The following GJC1 variants were observed in gnomAD, a reference collection of about 807,000 sequenced individuals.
GJC1 encodes gap junction gamma-1 protein.
Under a neutral mutation model 29.3 loss-of-function variants are expected in GJC1, and 5 were observed. The observed-to-expected ratio is 0.17, with a 90% CI of 0.09 to 0.36. The LOEUF (loss-of-function observed/expected upper bound fraction) is 0.36, where lower values mean the gene tolerates loss of function less well. GJC1 is among the 10% of genes least tolerant of loss of function. GJC1 has a pLI of 1.00. For synonymous variants in GJC1, 177 were observed against 183.3 expected (o/e 0.97, Z 0.28); for missense variants, 310 against 496.2 (o/e 0.62, Z 3.56).
In GJC1 at chr17:44,827,725, G is replaced by A. The variant is rs151315652; in HGVS notation, c.-97+2337C>T. Among the ~76,000 whole-genome samples, 567 of 152,248 alleles carry A rather than the reference G, an allele frequency of 3.7e-3. 4 individuals carry two copies. Among genetic ancestry groups the A allele is most frequent in the African/African-American group, 0.013 (557 of 41,546 alleles). ...AGGCGGGAGGATCACAAGGTCAGGA[G>A]ATCGGGACCATCATGGCTAACATGG... On this transcript the variant is annotated intron_variant, in intron 1 of 2. Coordinates refer to ENST00000592524, the MANE Select transcript of GJC1 (RefSeq NM_005497.4).
chr17:44,796,766 G>A (rs2049785658), downstream of GJC1, among the ~76,000 whole-genome samples: 1 of 151,952 alleles, frequency 6.6e-6, no homozygotes. Flanking sequence ...CAGAGAACTT[G>A]TTAGTTCTGA....
At chr17:44,813,856 G>A (rs2050012216) in intron 1 of GJC1, among the ~76,000 whole-genome samples, 1 of 151,950 alleles carries the variant, frequency 6.6e-6, no homozygotes, top group South Asian at 2.1e-4. Flanking sequence ...AGTGCAGTCT[G>A]GGGAACATTT....
chr17:44,821,697 C>CAAAAAAAAAAAAAAAA (rs61303163), intron 1 of GJC1, among the ~76,000 whole-genome samples: 14 of 58,354 alleles, frequency 2.4e-4, no homozygotes, highest in African/African-American at 8.6e-4. Flanking sequence ...AACTCCGTCT[C>CAAAAAAAAAAAAAAAA]AAAAAAAAAA....
Position 44,805,795 on chromosome 17 carries a change from C to T in GJC1, c.23G>A (p.Arg8His), listed in dbSNP as rs776242102. The change falls in exon 3 of 3, where the codon CGC (arginine) becomes CAC (histidine). Residue 8 changes from arginine to histidine, a missense_variant. This residue lies in a region of GJC1 where 37 missense variants were observed against 104.2 expected (regional missense o/e 0.35). Transcript: ENST00000592524. This position sits in a 1 kb window ranked among gnomAD's most constrained non-coding sequence, Gnocchi z 5.1. MSWSFLTRLLEEIHNHST... is the reference protein window; with the variant it reads MSWSFLTHLLEEIHNHST... The stretch of plus-strand genomic sequence containing the variant: ...ATGGTTGTGAATCTCCTCTAGCAGG[C>T]GAGTCAGGAAGCTCCAACTCATGGT... 1.4e-5 allele frequency: 23 copies of T among 1,609,930 alleles called. No individual in the cohort carries two copies. Among genetic ancestry groups the T allele is most frequent in the Non-Finnish European group, 1.4e-5 (17 of 1,177,168 alleles).
intron 1 of GJC1, among the ~76,000 whole-genome samples, chr17:44,823,254 T>TTTTTG (rs1555560198): frequency 4.7e-5 from 7 of 147,954 alleles, no homozygotes; most frequent in African/African-American, 1.8e-4. Context: ...TCCTGTTTTT[T>TTTTTG]TTTTTTTTTT....
intron 1 of GJC1, among the ~76,000 whole-genome samples, chr17:44,819,659 A>AAAATAAATAAAT (rs199517100): frequency 2.2e-4 from 32 of 146,256 alleles, no homozygotes; most frequent in African/African-American, 7.3e-4. Flanking sequence ...CTCCGTCTCA[A>AAAATAAATAAAT]AAATAAATAA....
At chr17:44,818,021 T>C (rs968423991) in intron 1 of GJC1, among the ~76,000 whole-genome samples, 2 of 152,038 alleles carry the variant, frequency 1.3e-5, no homozygotes, top group African/African-American at 2.4e-5. Context: ...GAGACCAGCC[T>C]GGCCACCATG....
intron 1 of GJC1, among the ~76,000 whole-genome samples, chr17:44,827,080 C>T (rs2050184205): frequency 6.6e-6 from 1 of 152,154 alleles, no homozygotes; most frequent in African/African-American, 2.4e-5. Flanking sequence ...AAGGCAGAGG[C>T]AGGCGGATCA....
downstream of GJC1, chr17:44,797,524 C>G (rs1015227214): frequency 1.3e-5 from 2 of 152,210 alleles, no homozygotes; most frequent in African/African-American, 4.8e-5. Context: ...CTTCTGGACC[C>G]TCCTCTTGCA....
At chr17:44,814,639 G>C (rs1275855865) in intron 1 of GJC1, among the ~76,000 whole-genome samples, 3 of 152,072 alleles carry the variant, frequency 2.0e-5, no homozygotes, top group Non-Finnish European at 4.4e-5. Flanking sequence ...GACCTGAAAA[G>C]GTGCCTAAAA....
chr17:44,797,952 T>C (rs1254549095), downstream of GJC1, among the ~76,000 whole-genome samples: 1 of 152,186 alleles, frequency 6.6e-6, no homozygotes, highest in African/African-American at 2.4e-5. Context: ...CAAGAGGGCA[T>C]TGCTGCTCCC....
chr17:44,805,464 T>C lies in GJC1; in HGVS notation c.354A>G (p.Ala118=). ...DKKAARSKPY[A]MRWKQHRALE... ...GAGCCCGGTGTTGTTTCCAGCGCAT[T>C]GCATAGGGCTTGCTCCGAGCTGCCT... is the stretch of plus-strand genomic sequence containing the variant. Residue 118 remains alanine (A), a synonymous_variant, in exon 3 of 3, where the codon GCA becomes GCG. Coordinates refer to ENST00000592524, the MANE Select transcript of GJC1 (RefSeq NM_005497.4). This position sits in a 1 kb window ranked among gnomAD's most constrained non-coding sequence, Gnocchi z 5.1. 2 of 1,614,168 alleles carry C rather than the reference T, an allele frequency of 1.2e-6. No individual in the cohort carries two copies. The highest frequency in any genetic ancestry group is 4.5e-5 in the East Asian group (2 of 44,888).
intron 2 of GJC1, among the ~76,000 whole-genome samples, chr17:44,806,744 G>A (rs2049918455): frequency 6.6e-6 from 1 of 151,840 alleles, no homozygotes; most frequent in South Asian, 2.1e-4. Context: ...AATTTTGTGA[G>A]ATAGAAATTT....
chr17:44,831,324 A>T (rs1157726149), upstream of GJC1, among the ~76,000 whole-genome samples: 1 of 152,214 alleles, frequency 6.6e-6, no homozygotes, highest in Non-Finnish European at 1.5e-5. Context: ...CTCCCTAAAA[A>T]GTCAAAAGCT....
chr17:44,812,077 G>A (rs749783505), intron 1 of GJC1, among the ~76,000 whole-genome samples: 1 of 151,994 alleles, frequency 6.6e-6, no homozygotes, highest in Non-Finnish European at 1.5e-5. Flanking sequence ...CACTTTGGGA[G>A]CCCAAGGCGG....
At position 44,803,584 on chromosome 17, in the gene GJC1, A is replaced by G. The variant is rs41280082; in HGVS notation, c.*1043T>C. On this transcript the variant is annotated 3_prime_UTR_variant, in exon 3 of 3. Coordinates refer to ENST00000592524, the MANE Select transcript of GJC1 (RefSeq NM_005497.4). ...GGATTTAGGCCTTCTGCCATTTCCA[A>G]TACAAGTAGCTTTGAGTATTCTTGG... 8 of 152,362 alleles carry G rather than the reference A, an allele frequency of 5.3e-5. No individual in the cohort carries two copies. The highest frequency in any genetic ancestry group is 1.3e-4 in the Admixed American group (2 of 15,296). The allele number at this position is 152,362 out of a possible 1,614,324, so 9.4% of individuals were successfully genotyped here. A position where few individuals can be genotyped will look rare whatever the true frequency, so the allele number is the denominator to read the frequency against.
intron 1 of GJC1, among the ~76,000 whole-genome samples, chr17:44,819,206 T>C (rs1001667861): frequency 6.6e-6 from 1 of 152,150 alleles, no homozygotes; most frequent in African/African-American, 2.4e-5. Context: ...CCATTTCCCC[T>C]TCTCCCAGCC....
At chr17:44,810,560 G>T (rs1466213616) in intron 1 of GJC1, among the ~76,000 whole-genome samples, 1 of 152,090 alleles carries the variant, frequency 6.6e-6, no homozygotes, top group Non-Finnish European at 1.5e-5. Context: ...CCCACACTCT[G>T]AAGTCTTCGG....
chr17:44,795,290 C>T (rs1481414834), downstream of GJC1, among the ~76,000 whole-genome samples: 1 of 152,094 alleles, frequency 6.6e-6, no homozygotes, highest in Non-Finnish European at 1.5e-5. Context: ...TGCAGTGGTG[C>T]GATCTTGACT....
Sources: gnomAD v4.1 joint callset for allele counts (sites outside exome capture counted in the v4.1 genomes callset) on GRCh38, gnomAD v4.1.1 for gene constraint, gnomAD v4.1.1 regional missense constraint, Gnocchi (gnomAD v3.1) non-coding constraint, MANE v1.5 for transcripts, NCBI Gene and HGNC (gene_info 2026-07-23, HGNC 2026-07-21) for gene names.